ELL: variants seen among roughly 807,000 people sequenced by gnomAD.
The protein encoded by ELL is elongation factor for RNA polymerase II, also known as RNA polymerase II elongation factor ELL.
A neutral mutation model predicts 64.0 loss-of-function variants in ELL; 18 were observed. The observed-to-expected ratio is 0.28, with a 90% confidence interval of 0.19 to 0.42. The LOEUF (loss-of-function observed/expected upper bound fraction) is 0.42, where lower values mean the gene tolerates loss of function less well. ELL is among the 10% of genes least tolerant of loss of function. ELL has a pLI of 1.00. For synonymous variants in ELL, 399 were observed against 376.2 expected (o/e 1.06, Z -0.70); for missense variants, 797 against 870.4 (o/e 0.92, Z 1.06).
At chr19:18,475,895 G>A (rs1975165099) in intron 1 of ELL, 2 of 152,226 alleles carry the variant, frequency 1.3e-5, no homozygotes, top group Admixed American at 6.5e-5. Flanking sequence ...TTGACTCAGG[G>A]CACAGGAGCA....
chr19:18,478,489 CCT>C (rs1300929884), intron 1 of ELL, among the ~76,000 whole-genome samples: 1 of 152,214 alleles, frequency 6.6e-6, no homozygotes, highest in Non-Finnish European at 1.5e-5. Context: ...CCCCACAAGT[CCT>C]CTCAGGCCCT....
chr19:18,521,830 T>A, intron 1 of ELL, 91 bp downstream of exon 1: 3 of 1,472,876 alleles, frequency 2.0e-6, no homozygotes, highest in Non-Finnish European at 1.8e-6. Context: ...AGACCTAGCG[T>A]CTCCGAGCCC....
chr19:18,494,275 G>A (rs1057056212), intron 1 of ELL, among the ~76,000 whole-genome samples: 1 of 152,116 alleles, frequency 6.6e-6, no homozygotes, highest in Non-Finnish European at 1.5e-5. Flanking sequence ...GAAGGGAAGG[G>A]GAGGGTCAAA....
chr19:18,503,165 C>G (rs1315133740), intron 1 of ELL, among the ~76,000 whole-genome samples: 1 of 152,258 alleles, frequency 6.6e-6, no homozygotes, highest in Non-Finnish European at 1.5e-5. Context: ...AGCGCAGGGA[C>G]ATCCCTGTAA....
intron 1 of ELL, among the ~76,000 whole-genome samples, chr19:18,513,834 G>A (rs1027620567): frequency 1.3e-5 from 2 of 152,028 alleles, no homozygotes; most frequent in African/African-American, 4.8e-5. Flanking sequence ...AAGAGGCTGA[G>A]GCAGGAGAAT....
intron 1 of ELL, among the ~76,000 whole-genome samples, chr19:18,496,003 A>T (rs1184314438): frequency 6.6e-6 from 1 of 152,094 alleles, no homozygotes; most frequent in African/African-American, 2.4e-5. Flanking sequence ...GGGCGTTTGG[A>T]GGTGATGTGG....
intron 1 of ELL, among the ~76,000 whole-genome samples, chr19:18,509,955 T>G (rs1015380351): frequency 6.6e-6 from 1 of 152,252 alleles, no homozygotes; most frequent in African/African-American, 2.4e-5. Context: ...CTGAGCTCTT[T>G]GCCTGAGAAG....
intron 4 of ELL, among the ~76,000 whole-genome samples, chr19:18,462,370 C>CGG (rs869305278): frequency 2.6e-4 from 6 of 23,052 alleles, no homozygotes; most frequent in South Asian, 1.5e-3. Flanking sequence ...TGTGTTTGGG[C>CGG]GGGGGGCGGG....
intron 1 of ELL, among the ~76,000 whole-genome samples, chr19:18,520,397 G>C (rs1288351668): frequency 6.6e-6 from 1 of 152,132 alleles, no homozygotes; most frequent in African/African-American, 2.4e-5. Flanking sequence ...AGCTGCTGTC[G>C]CTGCCACTGT....
At chr19:18,476,879 G>C (rs1015490300) in intron 1 of ELL, among the ~76,000 whole-genome samples, 1 of 152,128 alleles carries the variant, frequency 6.6e-6, no homozygotes, top group African/African-American at 2.4e-5. Context: ...TAACAGACAC[G>C]GGCACTAAGG....
At chr19:18,471,877 A>G (rs1220764853) in intron 2 of ELL, among the ~76,000 whole-genome samples, 1 of 152,196 alleles carries the variant, frequency 6.6e-6, no homozygotes, top group East Asian at 1.9e-4. Flanking sequence ...AAATCCAGAC[A>G]AATGTCCAAG....
At chr19:18,446,997 G>A (rs1974430992) in intron 8 of ELL, among the ~76,000 whole-genome samples, 183 bp from the exon 9 acceptor site, 1 of 152,206 alleles carries the variant, frequency 6.6e-6, no homozygotes, top group African/African-American at 2.4e-5. Flanking sequence ...GGCAACTGTG[G>A]GCTGCTGGAC....
At chr19:18,494,990 C>T (rs1441227650) in intron 1 of ELL, among the ~76,000 whole-genome samples, 1 of 152,196 alleles carries the variant, frequency 6.6e-6, no homozygotes, top group African/African-American at 2.4e-5. Context: ...AAGTCCAGGG[C>T]ATATGGCTGG....
intron 6 of ELL, among the ~76,000 whole-genome samples, chr19:18,455,082 A>C (rs1974630546): frequency 6.7e-6 from 1 of 149,934 alleles, no homozygotes; most frequent in African/African-American, 2.5e-5. Flanking sequence ...CAGAGGTTGC[A>C]GTGAGCCAAG....
At chr19:18,458,099 C>T in intron 6 of ELL, 106 bp downstream of exon 6, 1 of 1,545,388 alleles carries the variant, frequency 6.5e-7, no homozygotes, top group Non-Finnish European at 8.7e-7. Flanking sequence ...TGCTCCCAAG[C>T]CCTGTGGCCT....
At chr19:18,465,278 AGGGACCGACTCCTC>A (rs1974909447) in intron 4 of ELL, 120 bp downstream of exon 4, 1 of 1,287,598 alleles carries the variant, frequency 7.8e-7, no homozygotes, top group Admixed American at 2.9e-5. Context: ...CGTCCTGCTC[AGGGACCGACTCCTC>A]GGTTGACCCA....
chr19:18,517,640 C>T (rs1470530582), intron 1 of ELL, among the ~76,000 whole-genome samples: 1 of 151,824 alleles, frequency 6.6e-6, no homozygotes, highest in East Asian at 2.0e-4. Flanking sequence ...ACAGGAGGAT[C>T]CCTTAAGCCC....
At chr19:18,497,066 G>A (rs1465767156) in intron 1 of ELL, among the ~76,000 whole-genome samples, 3 of 152,234 alleles carry the variant, frequency 2.0e-5, no homozygotes, top group East Asian at 1.9e-4. Flanking sequence ...CACTGGAAAC[G>A]TGCGTCCACA....
intron 1 of ELL, among the ~76,000 whole-genome samples, chr19:18,482,248 A>C (rs1975314780): frequency 6.7e-6 from 1 of 148,908 alleles, no homozygotes; most frequent in Non-Finnish European, 1.5e-5. Context: ...TTTTATATAC[A>C]AGAGCTTTAT....
Sources: allele counts gnomAD v4.1 joint callset (sites outside exome capture counted in the v4.1 genomes callset), GRCh38; gene constraint gnomAD v4.1.1; transcripts MANE v1.5; gene names NCBI Gene and HGNC (gene_info 2026-07-23, HGNC 2026-07-21).